The following LRRC37A2 variants were observed in gnomAD, a reference collection of about 807,000 sequenced individuals.
LRRC37A2 encodes leucine rich repeat containing 37 member A2.
Under a neutral mutation model 68.8 loss-of-function variants are expected in LRRC37A2, and 9 were observed. The ratio of observed to expected loss-of-function variants is 0.13; its 90% CI spans 0.08 to 0.23. The LOEUF is 0.23. LRRC37A2 is among the 10% of genes least tolerant of loss of function. The probability of loss-of-function intolerance (pLI) is 1.00; values close to 1 mark genes in which losing one functional copy is unlikely to be tolerated. For missense variants in LRRC37A2, 168 were observed against 950.4 expected, an observed-to-expected ratio of 0.18 and a Z score of 10.82; for synonymous variants, 63 against 367.6, an observed-to-expected ratio of 0.17 and a Z score of 9.48.
chr17:46,583,247 A>C, the LRRC37A2 span, among the ~76,000 whole-genome samples: 2 of 70,930 alleles, frequency 2.8e-5, no homozygotes, highest in African/African-American at 8.0e-5. Flanking sequence ...TACAGGTGTG[A>C]GTCACCGCGC....
chr17:46,993,871 A>G, the LRRC37A2 span, among the ~76,000 whole-genome samples: 1 of 150,880 alleles, frequency 6.6e-6, no homozygotes, highest in Non-Finnish European at 1.5e-5. Context: ...CATTTCCCAG[A>G]TGAGGCTCAG....
the LRRC37A2 span, chr17:46,949,402 C>A: frequency 6.6e-6 from 1 of 152,096 alleles, no homozygotes; most frequent in Non-Finnish European, 1.5e-5. Flanking sequence ...TATGACCAAG[C>A]CTCGGAAGTC....
intron 11 of LRRC37A2, among the ~76,000 whole-genome samples, chr17:46,553,009 C>A (rs1448509654): frequency 7.0e-6 from 1 of 142,946 alleles, no homozygotes; most frequent in Non-Finnish European, 1.5e-5. Flanking sequence ...GAGCTGTGAT[C>A]GTGACACCGC....
chr17:47,004,251 G>C, the LRRC37A2 span, among the ~76,000 whole-genome samples: 1 of 152,234 alleles, frequency 6.6e-6, no homozygotes, highest in African/African-American at 2.4e-5. Flanking sequence ...TGGGATGGCT[G>C]TGTCAAATGG....
the LRRC37A2 span, among the ~76,000 whole-genome samples, chr17:46,911,677 GT>G: frequency 6.6e-6 from 1 of 152,118 alleles, no homozygotes; most frequent in Admixed American, 6.5e-5. Context: ...GAGGTCAGGG[GT>G]TCAAGACCAG....
the LRRC37A2 span, among the ~76,000 whole-genome samples, chr17:46,823,198 T>TTA: frequency 9.1e-6 from 1 of 109,356 alleles, no homozygotes; most frequent in Non-Finnish European, 1.7e-5. Context: ...TTATATATAT[T>TTA]TATATATAAT....
At chr17:46,910,233 C>T in the LRRC37A2 span, 2 of 152,244 alleles carry the variant, frequency 1.3e-5, no homozygotes, top group Non-Finnish European at 2.9e-5. Context: ...CTTGAAACCC[C>T]AAGGACTCAT....
the LRRC37A2 span, among the ~76,000 whole-genome samples, chr17:46,962,119 A>T: frequency 6.6e-6 from 1 of 152,276 alleles, no homozygotes; most frequent in Admixed American, 6.5e-5. Context: ...TGAAGTCAGA[A>T]GCTCGAGACC....
chr17:46,707,335 A>T, the LRRC37A2 span, among the ~76,000 whole-genome samples: 1 of 152,316 alleles, frequency 6.6e-6, no homozygotes, highest in African/African-American at 2.4e-5. Flanking sequence ...TTTGATTGAT[A>T]CAAGTTCTTT....
chr17:46,903,129 A>C, the LRRC37A2 span, among the ~76,000 whole-genome samples: 4 of 152,030 alleles, frequency 2.6e-5, no homozygotes, highest in South Asian at 8.3e-4. Context: ...TAAAAATACA[A>C]AATTATCCAG....
the LRRC37A2 span, among the ~76,000 whole-genome samples, chr17:46,852,467 G>A: frequency 3.0e-4 from 46 of 150,906 alleles, no homozygotes; most frequent in South Asian, 3.4e-3. Context: ...GAGGATCACA[G>A]TGGGGGGTGA....
At chr17:46,708,208 CA>C in the LRRC37A2 span, among the ~76,000 whole-genome samples, 119 of 152,194 alleles carry the variant, frequency 7.8e-4, no homozygotes, top group South Asian at 3.3e-3. Flanking sequence ...GGTATATACT[CA>C]GAAGTGGAAT....
chr17:46,967,610 A>G, the LRRC37A2 span, among the ~76,000 whole-genome samples: 1 of 152,192 alleles, frequency 6.6e-6, no homozygotes, highest in Non-Finnish European at 1.5e-5. Context: ...TGGGTACAGC[A>G]TGGGGGCTGG....
the LRRC37A2 span, among the ~76,000 whole-genome samples, chr17:46,896,479 A>C: frequency 2.0e-5 from 3 of 148,908 alleles, no homozygotes; most frequent in African/African-American, 7.8e-5. Flanking sequence ...AAAGAAAGAC[A>C]GACCAAGGCC....
At chr17:46,532,160 A>G (rs2053747087) in intron 6 of LRRC37A2, among the ~76,000 whole-genome samples, 2 of 149,474 alleles carry the variant, frequency 1.3e-5, no homozygotes, top group Admixed American at 1.3e-4. Flanking sequence ...CAGCCTCCCA[A>G]AATGCTGGGA....
chr17:46,763,525 T>G, the LRRC37A2 span: 1 of 152,134 alleles, frequency 6.6e-6, no homozygotes, highest in African/African-American at 2.4e-5. Context: ...AAGGACACAG[T>G]AAGATGGGTC....
chr17:46,955,024 T>C, the LRRC37A2 span, among the ~76,000 whole-genome samples: 10 of 152,352 alleles, frequency 6.6e-5, no homozygotes, highest in East Asian at 1.9e-3. Flanking sequence ...TTCTGCCTGA[T>C]TGCCCTGGCC....
the LRRC37A2 span, among the ~76,000 whole-genome samples, chr17:47,023,497 AG>A: frequency 0.015 from 2,323 of 152,304 alleles, 40 homozygotes; most frequent in African/African-American, 0.054. Flanking sequence ...CCTGGCCGAT[AG>A]GGCGAAACCC....
the LRRC37A2 span, chr17:47,018,649 T>C: frequency 1.3e-5 from 20 of 1,520,224 alleles, no homozygotes; most frequent in Admixed American, 1.7e-5. Flanking sequence ...CCGGAACCTA[T>C]TAATAATGAG....
Sources: allele counts gnomAD v4.1 joint callset (sites outside exome capture counted in the v4.1 genomes callset), GRCh38; gene constraint gnomAD v4.1.1; transcripts MANE v1.5; gene names NCBI Gene and HGNC (gene_info 2026-07-23, HGNC 2026-07-21).